Variants in AK7 observed in about 807,000 individuals in gnomAD.
The protein encoded by AK7 is adenylate kinase 7.
Under a neutral mutation model 96.6 loss-of-function variants are expected in AK7, and 78 were observed. That is an observed-to-expected ratio of 0.81 (90% CI 0.67 to 0.97). The LOEUF (loss-of-function observed/expected upper bound fraction) is 0.97, where lower values mean the gene tolerates loss of function less well. AK7 is among the 50% of genes least tolerant of loss of function. The pLI, the probability that AK7 is intolerant of heterozygous loss-of-function variation, is 0.00. For missense variants in AK7, 855 were observed against 887.9 expected (o/e 0.96, Z 0.47); for synonymous variants, 302 against 317.2 (o/e 0.95, Z 0.51).
intron 3 of AK7, among the ~76,000 whole-genome samples, chr14:96,405,585 G>C (rs998858903): frequency 6.6e-6 from 1 of 152,114 alleles, no homozygotes; most frequent in Non-Finnish European, 1.5e-5. Context: ...GATAAGAAAA[G>C]GTACCCCAAG....
At chr14:96,467,344 T>G (rs78414494) in intron 12 of AK7, among the ~76,000 whole-genome samples, 1 of 151,030 alleles carries the variant, frequency 6.6e-6, no homozygotes, top group Non-Finnish European at 1.5e-5. Flanking sequence ...TTTTTTTTTT[T>G]GGCAACAGAT....
chr14:96,449,488 C>T (rs1032474180), intron 8 of AK7, among the ~76,000 whole-genome samples: 1 of 152,218 alleles, frequency 6.6e-6, no homozygotes, highest in African/African-American at 2.4e-5. Context: ...GGCTGGAGTG[C>T]AGTGGTGTGA....
chr14:96,431,799 G>C (rs988370475), intron 5 of AK7, among the ~76,000 whole-genome samples: 2 of 152,112 alleles, frequency 1.3e-5, no homozygotes, highest in South Asian at 2.1e-4. Context: ...CTGAGTTCAA[G>C]TCCTGGATAT....
chr14:96,455,722 G>A (rs534151493), intron 10 of AK7, among the ~76,000 whole-genome samples: 11 of 152,134 alleles, frequency 7.2e-5, no homozygotes, highest in African/African-American at 1.4e-4. Flanking sequence ...TTCTTATGTG[G>A]CCCTATCCAC....
At chr14:96,446,423 C>T (rs527415825) in intron 7 of AK7, 94 bp from the exon 8 acceptor site, 32 of 1,052,206 alleles carry the variant, frequency 3.0e-5, no homozygotes, top group African/African-American at 2.3e-4. Context: ...CCAAACCCCA[C>T]GCCCAGCCAT....
intron 4 of AK7, among the ~76,000 whole-genome samples, chr14:96,418,537 GA>G (rs1891490106): frequency 7.4e-6 from 1 of 135,200 alleles, no homozygotes; most frequent in Non-Finnish European, 1.6e-5. Context: ...TTTGTTTTTT[GA>G]AAAGAATTTT....
In AK7 at chr14:96,398,095, T is replaced by C; in HGVS notation, c.126T>C (p.Val42=). 2 of 1,614,066 alleles carry C rather than the reference T, an allele frequency of 1.2e-6. No homozygotes were observed. The highest frequency in any genetic ancestry group is 2.7e-5 in the African/African-American group (2 of 75,050). Residue 42 remains valine (V), a synonymous_variant, in exon 2 of 18, where the codon GTT becomes GTC. Coordinates refer to ENST00000267584, the MANE Select transcript of AK7 (RefSeq NM_152327.5). ...TGCAGTTTCTATCTAACTGTGTAGT[T>C]GGGGCTTCGCTTGAAGAAATTACAG... ...NIGKFLSNCV[V]GASLEEITEE... is the part of the protein sequence containing the mutation.
intron 8 of AK7, 49 bp from the exon 9 acceptor site, chr14:96,449,753 G>A (rs773050177): frequency 6.9e-6 from 10 of 1,453,956 alleles, no homozygotes; most frequent in Non-Finnish European, 9.6e-6. Context: ...TTTATATAAA[G>A]TAAAACCTTC....
At chr14:96,456,195 C>T in intron 10 of AK7, 152 bp from the exon 11 acceptor site, 1 of 763,500 alleles carries the variant, frequency 1.3e-6, no homozygotes, top group Non-Finnish European at 1.9e-6. Context: ...CGAGATCATG[C>T]CACTGCACTA....
intron 12 of AK7, among the ~76,000 whole-genome samples, chr14:96,458,960 C>CA (rs140583147): frequency 0.33 from 42,425 of 127,944 alleles, 7,597 homozygotes; most frequent in African/African-American, 0.51. Context: ...GAAATTATAA[C>CA]AAAAAAAAAA....
At chr14:96,423,809 T>A in intron 5 of AK7, 1 of 761,224 alleles carries the variant, frequency 1.3e-6, no homozygotes, top group Non-Finnish European at 2.4e-6. Flanking sequence ...GGACGCCACC[T>A]TGAATTTGCC....
At chr14:96,396,032 G>A (rs566615172) in intron 1 of AK7, among the ~76,000 whole-genome samples, 59 of 151,932 alleles carry the variant, frequency 3.9e-4, no homozygotes, top group African/African-American at 5.3e-4. Context: ...GGATGGTCTC[G>A]ATCTCCTGAC....
In AK7 at chr14:96,483,190, G is replaced by A. The variant is rs1895598712; in HGVS notation, c.1945G>A (p.Ala649Thr). 1 of 1,610,600 alleles carries A rather than the reference G, an allele frequency of 6.2e-7. No homozygotes were observed. Among genetic ancestry groups the A allele is most frequent in the Non-Finnish European group, 8.5e-7 (1 of 1,178,492 alleles). ...EREHQEAVEMAEKIARWEEWN... is the reference protein window; with the variant it reads ...EREHQEAVEMTEKIARWEEWN... Reference sequence around the variant, plus strand: ...CGAGCACCAGGAGGCCGTGGAGATGGCAGAGAAGATAGCTCGCTGGGAGGA... The same window carrying A: ...CGAGCACCAGGAGGCCGTGGAGATGACAGAGAAGATAGCTCGCTGGGAGGA... Residue 649 changes from alanine to threonine, a missense_variant, in exon 16 of 18, where the codon GCA becomes ACA. Transcript: ENST00000267584.
At chr14:96,433,413 A>G (rs1466238199) in intron 5 of AK7, among the ~76,000 whole-genome samples, 2 of 151,970 alleles carry the variant, frequency 1.3e-5, no homozygotes, top group Admixed American at 6.6e-5. Flanking sequence ...ACTTCATTTC[A>G]TTAATCTGAC....
intron 3 of AK7, 50 bp downstream of exon 3, chr14:96,404,915 C>G (rs770062370): frequency 3.7e-5 from 49 of 1,327,654 alleles, no homozygotes; most frequent in Non-Finnish European, 5.0e-5. Flanking sequence ...GTAGTGCTGC[C>G]TACTTCACCT....
intron 5 of AK7, chr14:96,423,855 C>G (rs1891858250): frequency 4.8e-6 from 4 of 832,746 alleles, no homozygotes; most frequent in African/African-American, 1.7e-5. Flanking sequence ...AGGATGGGCT[C>G]GTCACATTTC....
intron 2 of AK7, among the ~76,000 whole-genome samples, chr14:96,403,605 A>C (rs952045102): frequency 5.9e-5 from 9 of 152,248 alleles, no homozygotes; most frequent in African/African-American, 1.7e-4. Context: ...TCCTAAGGAA[A>C]GGCATCAACT....
At chr14:96,432,202 CT>C (rs71103525) in intron 5 of AK7, among the ~76,000 whole-genome samples, 11,355 of 101,218 alleles carry the variant, frequency 0.11, 268 homozygotes, top group Non-Finnish European at 0.14. Flanking sequence ...GCAACCCCTG[CT>C]TTTTTTTTTT....
At chr14:96,458,352 T>C in intron 12 of AK7, 140 bp downstream of exon 12, 1 of 1,156,544 alleles carries the variant, frequency 8.6e-7, no homozygotes, top group South Asian at 1.7e-5. Flanking sequence ...TCCCAGCACT[T>C]TGGGAGTCTG....
Sources: gnomAD v4.1 joint callset for allele counts (sites outside exome capture counted in the v4.1 genomes callset) on GRCh38, gnomAD v4.1.1 for gene constraint, MANE v1.5 for transcripts, NCBI Gene and HGNC (gene_info 2026-07-23, HGNC 2026-07-21) for gene names.